The following KANSL1 variants were observed in gnomAD, a reference collection of about 807,000 sequenced individuals.
KANSL1 encodes the protein MLL1/MLL complex subunit KANSL1.
A neutral mutation model predicts 103.6 loss-of-function variants in KANSL1; 22 were observed. That is an observed-to-expected ratio of 0.21 (90% CI 0.15 to 0.30). The LOEUF (loss-of-function observed/expected upper bound fraction) is 0.30. Ranked by LOEUF, KANSL1 falls within the 10% of genes least tolerant of loss-of-function variation. KANSL1 has a pLI of 1.00. For synonymous variants in KANSL1, 600 were observed against 527.6 expected (o/e 1.14, Z -1.88); for missense variants, 1,337 against 1,399.8 (o/e 0.96, Z 0.72).
intron 2 of KANSL1, among the ~76,000 whole-genome samples, chr17:46,144,942 A>G (rs989596690): frequency 2.6e-5 from 4 of 152,240 alleles, no homozygotes; most frequent in Admixed American, 6.5e-5. Flanking sequence ...ATCAAGATAT[A>G]TATTAATTTT....
intron 3 of KANSL1, among the ~76,000 whole-genome samples, chr17:46,091,706 A>G (rs1192536916): frequency 6.6e-6 from 1 of 152,206 alleles, no homozygotes; most frequent in Non-Finnish European, 1.5e-5. Context: ...TAGTAGCATG[A>G]TGTACTGGTT....
chr17:46,123,083 A>AT (rs1186465551), intron 2 of KANSL1, among the ~76,000 whole-genome samples: 1 of 152,198 alleles, frequency 6.6e-6, no homozygotes, highest in Non-Finnish European at 1.5e-5. Flanking sequence ...AAAGAAAAGA[A>AT]TTTTTTTTAG....
chr17:46,143,464 A>T (rs996781506), intron 2 of KANSL1, among the ~76,000 whole-genome samples: 5 of 152,114 alleles, frequency 3.3e-5, no homozygotes, highest in African/African-American at 1.2e-4. Flanking sequence ...ATTGTGCTCC[A>T]GCCTGGGCAA....
chr17:46,126,730 A>G (rs981761178), intron 2 of KANSL1, among the ~76,000 whole-genome samples: 3 of 152,232 alleles, frequency 2.0e-5, no homozygotes, highest in African/African-American at 7.2e-5. Flanking sequence ...TTATGTGTGC[A>G]TAAGAAATGT....
chr17:46,094,419 C>G (rs2079535052), intron 3 of KANSL1, 141 bp downstream of exon 3: 2 of 1,045,378 alleles, frequency 1.9e-6, no homozygotes, highest in Non-Finnish European at 2.8e-6. Flanking sequence ...TAAATTAAAC[C>G]ACTATATCAG....
chr17:46,175,780 G>A (rs2046491525), intron 1 of KANSL1, among the ~76,000 whole-genome samples: 1 of 152,124 alleles, frequency 6.6e-6, no homozygotes, highest in African/African-American at 2.4e-5. Context: ...ATTCTGTGTG[G>A]CACAAATTAT....
rs1448794908 is a variant in KANSL1, at chr17:46,211,395, A to G, written c.-90+12276T>C. 4.6e-5 allele frequency among the ~76,000 whole-genome samples: 7 copies of G among 152,378 alleles called. No homozygotes were observed. The East Asian group carries it at 1.3e-3, about 29-fold the overall frequency. On this transcript the variant is annotated intron_variant, in intron 1 of 14. Coordinates refer to the KANSL1 transcript ENST00000572904. ...GTAACAATAGCTGATGAGCTAAAAA[A>G]GAAAATCTTAAAAAAAATCTCATAA... is the stretch of plus-strand genomic sequence containing the variant.
chr17:46,141,590 CAG>C (rs1306847051), intron 2 of KANSL1, among the ~76,000 whole-genome samples: 3 of 152,192 alleles, frequency 2.0e-5, no homozygotes, highest in Non-Finnish European at 4.4e-5. Flanking sequence ...AAAAGACAAT[CAG>C]AGAGTGTATA....
intron 3 of KANSL1, among the ~76,000 whole-genome samples, chr17:46,087,993 G>A (rs1225001912): frequency 2.6e-5 from 4 of 152,196 alleles, no homozygotes; most frequent in Admixed American, 1.3e-4. Context: ...TAAACTTAGG[G>A]CTGCTGTACT....
intron 3 of KANSL1, among the ~76,000 whole-genome samples, chr17:46,083,080 A>G (rs1006799804): frequency 1.3e-5 from 2 of 152,210 alleles, no homozygotes; most frequent in South Asian, 2.1e-4. Flanking sequence ...ATAAGCATAA[A>G]TATTACTTCA....
chr17:46,052,964 CAAAAAAAAAAAAAAAAAAAAAAAAAAA>C (rs34473927), intron 6 of KANSL1, among the ~76,000 whole-genome samples: 5 of 33,002 alleles, frequency 1.5e-4, no homozygotes, highest in East Asian at 1.6e-3. Flanking sequence ...ATCCTGTCTC[CAAAAAAAAAAAAAAAAAAAAAAAAAAA>C]AAAAAAAAAA....
At chr17:46,061,536 T>C (rs1285635884) in intron 6 of KANSL1, among the ~76,000 whole-genome samples, 2 of 152,106 alleles carry the variant, frequency 1.3e-5, no homozygotes, top group Admixed American at 6.6e-5. Context: ...ACACAATAAA[T>C]AGCAATATAG....
chr17:46,036,081 TTTTG>T (rs576350137), intron 10 of KANSL1, among the ~76,000 whole-genome samples: 105 of 151,582 alleles, frequency 6.9e-4, no homozygotes, highest in African/African-American at 1.9e-3. Context: ...AAAATCAGAA[TTTTG>T]TTTGTTTGTT....
intron 1 of KANSL1, among the ~76,000 whole-genome samples, chr17:46,216,070 T>A (rs1462639452): frequency 6.6e-6 from 1 of 151,610 alleles, no homozygotes; most frequent in Non-Finnish European, 1.5e-5. Flanking sequence ...AAAAATAAAA[T>A]AAAATGCCCA....
intron 4 of KANSL1, among the ~76,000 whole-genome samples, chr17:46,075,294 G>C (rs568763197): frequency 6.6e-6 from 1 of 152,282 alleles, no homozygotes; most frequent in Admixed American, 6.5e-5. Flanking sequence ...GTTAAGATTA[G>C]AGAAAGCTCC....
chr17:46,118,961 CAG>C (rs1263383024), intron 2 of KANSL1, among the ~76,000 whole-genome samples: 2 of 152,192 alleles, frequency 1.3e-5, no homozygotes, highest in African/African-American at 4.8e-5. Context: ...GATAAAATAA[CAG>C]GGGTAAACAA....
intron 4 of KANSL1, 39 bp from the exon 5 acceptor site, chr17:46,067,706 C>A: frequency 9.7e-7 from 1 of 1,029,100 alleles, no homozygotes. Context: ...AACATGTACC[C>A]AAGCGCACCC....
intron 1 of KANSL1, among the ~76,000 whole-genome samples, chr17:46,205,680 C>CAAAAAAAAAAAAA (rs56154541): frequency 2.1e-5 from 2 of 93,102 alleles, no homozygotes; most frequent in Non-Finnish European, 4.1e-5. Context: ...GACACTGTCT[C>CAAAAAAAAAAAAA]AAAAAAAAAA....
rs563968349 is a variant in KANSL1 at position 46,127,857 on chromosome 17, T to C, written c.1290-33156A>G. On this transcript the variant is annotated intron_variant, in intron 2 of 14. Coordinates refer to ENST00000432791, the MANE Select transcript of KANSL1 (RefSeq NM_015443.4). The stretch of plus-strand genomic sequence containing the variant: ...TTCTTCAATGTGATAAAGCATTTCC[T>C]ACACCAGTTACCAGTGGCAGCACCT... Among the ~76,000 whole-genome samples, 23 of 152,332 alleles carry C rather than the reference T, an allele frequency of 1.5e-4. No individual in the cohort carries two copies. The East Asian group carries it at 4.0e-3, about 27-fold the overall frequency.
Sources: allele counts gnomAD v4.1 joint callset (sites outside exome capture counted in the v4.1 genomes callset), GRCh38; gene constraint gnomAD v4.1.1; transcripts MANE v1.5; gene names NCBI Gene and HGNC (gene_info 2026-07-23, HGNC 2026-07-21).